The following LSAMP variants were observed in gnomAD, a reference collection of about 807,000 sequenced individuals.
The protein encoded by LSAMP is limbic system associated membrane protein.
Under a neutral mutation model 38.6 loss-of-function variants are expected in LSAMP, and 7 were observed. The ratio of observed to expected loss-of-function variants is 0.18; its 90% CI spans 0.10 to 0.34. LSAMP has a LOEUF of 0.34. LSAMP is among the 10% of genes least tolerant of loss of function. The probability of loss-of-function intolerance (pLI) is 1.00; values close to 1 mark genes in which losing one functional copy is unlikely to be tolerated. For synonymous variants in LSAMP, 154 were observed against 166.8 expected (o/e 0.92, Z 0.59); for missense variants, 313 against 420.0 (o/e 0.75, Z 2.23).
At chr3:115,842,014 GAATAGAAAGGA>G (rs1266535325) in intron 5 of LSAMP, 21 bp from the exon 6 acceptor site, 3 of 1,596,390 alleles carry the variant, frequency 1.9e-6, no homozygotes, top group Admixed American at 1.8e-5. Context: ...AAAAACAGAA[GAATAGAAAGGA>G]TCACTGGTGA....
intron 3 of LSAMP, among the ~76,000 whole-genome samples, chr3:115,983,864 T>C (rs1939434746): frequency 6.6e-6 from 1 of 152,146 alleles, no homozygotes; most frequent in African/African-American, 2.4e-5. Flanking sequence ...CAGAGTATTC[T>C]TGATGTTGGC....
At chr3:115,833,509 A>T (rs756889377) in intron 6 of LSAMP, among the ~76,000 whole-genome samples, 13 of 152,158 alleles carry the variant, frequency 8.5e-5, no homozygotes, top group Non-Finnish European at 1.9e-4. Context: ...GAAAATAATT[A>T]AAATATATTT....
At chr3:116,039,956 C>T (rs531085064) in intron 2 of LSAMP, among the ~76,000 whole-genome samples, 5 of 152,182 alleles carry the variant, frequency 3.3e-5, no homozygotes, top group East Asian at 3.9e-4. Context: ...TGAGTCCCCA[C>T]GCTCCAGGTA....
chr3:116,119,253 T>C (rs1466726958), intron 1 of LSAMP, among the ~76,000 whole-genome samples: 1 of 151,926 alleles, frequency 6.6e-6, no homozygotes, highest in African/African-American at 2.4e-5. Flanking sequence ...AACATGCTTT[T>C]TAAAAATTGT....
chr3:116,280,860 T>C (rs185473143), intron 1 of LSAMP, among the ~76,000 whole-genome samples: 376 of 152,284 alleles, frequency 2.5e-3, no homozygotes, highest in Non-Finnish European at 4.0e-3. Context: ...AAGCCCAGAA[T>C]AGTGTGATAG....
chr3:115,913,457 G>T (rs1052174787), intron 3 of LSAMP, among the ~76,000 whole-genome samples: 1 of 152,164 alleles, frequency 6.6e-6, no homozygotes. Context: ...TGCACCACAG[G>T]GTAGAGACTT....
chr3:116,422,794 T>C (rs1272395629), intron 1 of LSAMP, among the ~76,000 whole-genome samples: 1 of 152,348 alleles, frequency 6.6e-6, no homozygotes, highest in East Asian at 1.9e-4. Flanking sequence ...TAAGCTTATA[T>C]AAGCAGCTTT....
intron 1 of LSAMP, among the ~76,000 whole-genome samples, chr3:116,391,373 A>C (rs1013430358): frequency 2.5e-4 from 38 of 151,932 alleles, no homozygotes; most frequent in African/African-American, 9.2e-4. Context: ...ACCCACTCGC[A>C]GGCCAGGAAC....
chr3:116,181,680 C>A (rs549119741), intron 1 of LSAMP, among the ~76,000 whole-genome samples: 70 of 152,022 alleles, frequency 4.6e-4, no homozygotes, highest in Non-Finnish European at 8.7e-4. Context: ...CACTTTCAGA[C>A]AAATTATTGT....
At chr3:115,813,299 C>A (rs530813095) in intron 6 of LSAMP, among the ~76,000 whole-genome samples, 1 of 152,150 alleles carries the variant, frequency 6.6e-6, no homozygotes, top group South Asian at 2.1e-4. Context: ...AGTTTATATA[C>A]ACAAATACTT....
At chr3:116,287,596 A>C (rs2047210598) in intron 1 of LSAMP, among the ~76,000 whole-genome samples, 1 of 152,212 alleles carries the variant, frequency 6.6e-6, no homozygotes, top group Non-Finnish European at 1.5e-5. Flanking sequence ...GAATTCTGAA[A>C]GCAAACTCCA....
chr3:116,342,855 T>C (rs529954268), intron 1 of LSAMP, among the ~76,000 whole-genome samples: 1 of 152,152 alleles, frequency 6.6e-6, no homozygotes, highest in Non-Finnish European at 1.5e-5. Flanking sequence ...TAGCTTCTTT[T>C]CAGCTCTAAC....
At chr3:116,119,370 T>G (rs1309486712) in intron 1 of LSAMP, among the ~76,000 whole-genome samples, 1 of 152,074 alleles carries the variant, frequency 6.6e-6, no homozygotes, top group Non-Finnish European at 1.5e-5. Context: ...TATAGATATA[T>G]GTATATGTAT....
chr3:115,988,863 T>C (rs1939586867), intron 3 of LSAMP, among the ~76,000 whole-genome samples: 1 of 152,128 alleles, frequency 6.6e-6, no homozygotes. Context: ...TATTTTGTTC[T>C]CTTTCCCATA....
chr3:116,299,089 A>C (rs997890968), intron 1 of LSAMP, among the ~76,000 whole-genome samples: 1 of 152,218 alleles, frequency 6.6e-6, no homozygotes, highest in Non-Finnish European at 1.5e-5. Context: ...TTAAGCAATG[A>C]GCTGAAAGTT....
At chr3:115,907,072 C>T (rs987606074) in intron 3 of LSAMP, among the ~76,000 whole-genome samples, 2 of 152,086 alleles carry the variant, frequency 1.3e-5, no homozygotes, top group African/African-American at 4.8e-5. Flanking sequence ...CCATCTCAAC[C>T]CTGGACTGTT....
intron 1 of LSAMP, among the ~76,000 whole-genome samples, chr3:116,255,106 C>A (rs2046732798): frequency 6.6e-6 from 1 of 152,076 alleles, no homozygotes; most frequent in Non-Finnish European, 1.5e-5. Flanking sequence ...GAGCTCTATT[C>A]TATATTTTTG....
rs1363483063 is a variant in LSAMP, at chr3:116,086,570, G to A, written c.156-14C>T. The A allele has an allele frequency of 2.5e-6, 4 of 1,600,454 alleles. No individual in the cohort carries two copies. Among genetic ancestry groups the A allele is most frequent in the Non-Finnish European group, 2.6e-6 (3 of 1,167,702 alleles). ...TCTACAACGCACCTGACAGAGCAGA[G>A]TAACAATATTAGTGCCTTAACAACA... On this transcript the variant is annotated splice_polypyrimidine_tract_variant and intron_variant, in intron 1 of 6. Transcript: ENST00000490035.
intron 1 of LSAMP, among the ~76,000 whole-genome samples, chr3:116,173,004 G>A (rs375503357): frequency 6.6e-6 from 1 of 152,004 alleles, no homozygotes. Flanking sequence ...TGAGTAAATT[G>A]TAAATAGTGC....
Sources: gnomAD v4.1 joint callset for allele counts (sites outside exome capture counted in the v4.1 genomes callset) on GRCh38, gnomAD v4.1.1 for gene constraint, MANE v1.5 for transcripts, NCBI Gene and HGNC (gene_info 2026-07-23, HGNC 2026-07-21) for gene names.